CCDC127: variants seen among roughly 807,000 people sequenced by gnomAD.
CCDC127 encodes the protein coiled-coil domain containing 127, also known as coiled-coil domain-containing protein 127.
In CCDC127, 2 loss-of-function variants were observed where a neutral mutation model predicts 4.1. That is an observed-to-expected ratio of 0.49 (90% CI 0.20 to 1.53). The LOEUF (loss-of-function observed/expected upper bound fraction) is 1.53. Among genes scored for constraint, CCDC127 ranks in the 40% most tolerant of loss-of-function variants. The probability of loss-of-function intolerance (pLI) is 0.23; values close to 1 mark genes in which losing one functional copy is unlikely to be tolerated. For synonymous variants in CCDC127, 98 were observed against 120.4 expected (o/e 0.81, Z 1.22); for missense variants, 271 against 322.9 (o/e 0.84, Z 1.23).
At chr5:210,841 A>T (rs1341039642) in intron 2 of CCDC127, among the ~76,000 whole-genome samples, 7 of 68,522 alleles carry the variant, frequency 1.0e-4, no homozygotes, top group South Asian at 6.7e-4. Context: ...GTGTGAGCAC[A>T]CTGATGCTCG....
At position 197,853 on chromosome 5, in the gene CCDC127, G is replaced by C. The variant is rs1333147421; in HGVS notation, c.*7444C>G. 1 of 55,540 alleles carries C rather than the reference G, an allele frequency of 1.8e-5. No individual in the cohort carries two copies. The highest frequency in any genetic ancestry group is 4.2e-5 in the Non-Finnish European group (1 of 23,962). The allele number at this position is 55,540 out of a possible 1,614,324, so 3.4% of individuals were successfully genotyped here. ...GGTCCCTGTGTCACCCCCTCCCCGA[G>C]TGTGTCCCCACCCCAGGGGCCCCCA... On this transcript the variant is annotated 3_prime_UTR_variant, in exon 3 of 3. Transcript: ENST00000296824.
intron 1 of CCDC127, among the ~76,000 whole-genome samples, chr5:217,770 AG>A (rs1215954040): frequency 2.0e-5 from 3 of 152,238 alleles, no homozygotes; most frequent in African/African-American, 7.2e-5. Flanking sequence ...GGCTAACGTT[AG>A]TAAGAATTTA....
At chr5:214,605 G>A (rs1734342971) in intron 2 of CCDC127, 1 of 152,192 alleles carries the variant, frequency 6.6e-6, no homozygotes, top group Admixed American at 6.5e-5. Flanking sequence ...GGTGTGAAGA[G>A]AGAGAAGCCC....
rs1423263663 is a variant in CCDC127 at position 204,509 on chromosome 5, A to G, written c.*788T>C. The stretch of plus-strand genomic sequence containing the variant: ...TTGTAAAGAGTGAAGAATTACACAA[A>G]AAGTGGCATTATTACTCATAAATGG... On this transcript the variant is annotated 3_prime_UTR_variant, in exon 3 of 3. Transcript: ENST00000296824. 2 of 147,516 alleles carry G rather than the reference A, an allele frequency of 1.4e-5. No individual in the cohort carries two copies. Among genetic ancestry groups the G allele is most frequent in the African/African-American group, 2.7e-5 (1 of 36,802 alleles). 9.1% of individuals were successfully genotyped at this position (147,516 alleles called of 1,614,324 possible).
chr5:205,188 C>T lies in CCDC127; in HGVS notation c.*109G>A, dbSNP rs918429311. On this transcript the variant is annotated 3_prime_UTR_variant, in exon 3 of 3. Transcript: ENST00000296824. ...AGTGGAGGTCGCTGCTGAAGGGTGACGGTGTGGCCATGACACGGGCAGCAC... is the reference window on the plus strand; with the variant it reads ...AGTGGAGGTCGCTGCTGAAGGGTGATGGTGTGGCCATGACACGGGCAGCAC... 3.8e-5 allele frequency: 38 copies of T among 1,003,746 alleles called. No homozygotes were observed. Among genetic ancestry groups the T allele is most frequent in the Non-Finnish European group, 4.7e-5 (32 of 677,068 alleles). 62.2% of individuals were successfully genotyped at this position (1,003,746 alleles called of 1,614,324 possible). A position where few individuals can be genotyped will look rare whatever the true frequency, so the allele number is the denominator to read the frequency against.
At chr5:214,895 AG>A (rs1475733542) in intron 2 of CCDC127, 1 of 151,896 alleles carries the variant, frequency 6.6e-6, no homozygotes, top group Non-Finnish European at 1.5e-5. Context: ...GGACGTGGTG[AG>A]GGGCGCCTGT....
At chr5:207,619 G>A (rs995711707) in intron 2 of CCDC127, among the ~76,000 whole-genome samples, 3 of 152,206 alleles carry the variant, frequency 2.0e-5, no homozygotes, top group Non-Finnish European at 2.9e-5. Flanking sequence ...TGTGCCTGGG[G>A]ACGGGGCTTA....
At position 205,312 on chromosome 5, in the gene CCDC127, G is replaced by T. The variant is rs1734147504; in HGVS notation, c.768C>A (p.Ala256=). 6.2e-7 allele frequency: 1 copy of T among 1,605,766 alleles called. No homozygotes were observed. Among genetic ancestry groups the T allele is most frequent in the African/African-American group, 1.3e-5 (1 of 74,682 alleles). The part of the protein sequence containing the change: ...ELKKFKRVEE[A]ILEK The stretch of plus-strand genomic sequence containing the variant: ...CACTCTTGTCTTACTTTTCTAGTAT[G>T]GCTTCCTCTACTCTCTTAAACTTCT... Residue 256 remains alanine (A), a synonymous_variant, in exon 3 of 3, where the codon GCC becomes GCA. Transcript: ENST00000296824.
intron 2 of CCDC127, among the ~76,000 whole-genome samples, chr5:210,156 C>A (rs1734252683): frequency 6.6e-6 from 1 of 152,206 alleles, no homozygotes; most frequent in Admixed American, 6.5e-5. Flanking sequence ...ACAAAATTAA[C>A]TCAAATGGGT....
Position 197,699 on chromosome 5 carries a change from G to A in CCDC127, c.*7598C>T, listed in dbSNP as rs1733992738. On this transcript the variant is annotated 3_prime_UTR_variant, in exon 3 of 3. Coordinates refer to ENST00000296824, the MANE Select transcript of CCDC127 (RefSeq NM_145265.3). The stretch of plus-strand genomic sequence containing the variant: ...CATCTCAGCAAAGCAATTATTTAAA[G>A]TACAGGTCTTTTTCAAAACGGAGTC... 6.4e-6 allele frequency: 1 copy of A among 156,136 alleles called. No individual in the cohort carries two copies. Among genetic ancestry groups the A allele is most frequent in the South Asian group, 2.0e-4 (1 of 5,100 alleles). 9.7% of individuals were successfully genotyped at this position (156,136 alleles called of 1,614,324 possible).
Position 203,374 on chromosome 5 carries a change from G to A in CCDC127, c.*1923C>T, listed in dbSNP as rs1734107828. 6.6e-6 allele frequency: 1 copy of A among 152,260 alleles called. No individual in the cohort carries two copies. The allele number at this position is 152,260 out of a possible 1,614,324, so 9.4% of individuals were successfully genotyped here. A position where few individuals can be genotyped will look rare whatever the true frequency, so the allele number is the denominator to read the frequency against. On this transcript the variant is annotated 3_prime_UTR_variant, in exon 3 of 3. Coordinates refer to ENST00000296824, the MANE Select transcript of CCDC127 (RefSeq NM_145265.3). Reference sequence around the variant, plus strand: ...CATCACACCACTGCACTCCTGCCTGGGTGAAGCATCTGAGCACCCTTAGCA... The same window carrying A: ...CATCACACCACTGCACTCCTGCCTGAGTGAAGCATCTGAGCACCCTTAGCA...
At position 200,594 on chromosome 5, in the gene CCDC127, C is replaced by T. The variant is rs1734056898; in HGVS notation, c.*4703G>A. 1 of 152,304 alleles carries T rather than the reference C, an allele frequency of 6.6e-6. No homozygotes were observed. Among genetic ancestry groups the T allele is most frequent in the African/African-American group, 2.4e-5 (1 of 41,456 alleles). The allele number at this position is 152,304 out of a possible 1,614,324, so 9.4% of individuals were successfully genotyped here. The stretch of plus-strand genomic sequence containing the variant: ...ATTTGTCTTTCTGGTTCTTCTCTGA[C>T]ATCTAACCTGTGTTCTCCATTCTTG... On this transcript the variant is annotated 3_prime_UTR_variant, in exon 3 of 3. Transcript: ENST00000296824.
chr5:207,504 TCTAGAAGGCTGAAGGCTGAG>T (rs1360193179), intron 2 of CCDC127, among the ~76,000 whole-genome samples: 4 of 151,944 alleles, frequency 2.6e-5, no homozygotes, highest in Non-Finnish European at 5.9e-5. Flanking sequence ...ATGAACAAAG[TCTAGAAGGCTGAAGGCTGAG>T]CAGAAGCTGC....
In CCDC127 at chr5:205,692, C is replaced by G; in HGVS notation, c.388G>C (p.Glu130Gln). 1 of 1,614,008 alleles carries G rather than the reference C, an allele frequency of 6.2e-7. No individual in the cohort carries two copies. The highest frequency in any genetic ancestry group is 8.5e-7 in the Non-Finnish European group (1 of 1,179,976). The change falls in exon 3 of 3, where the codon GAA (glutamate) becomes CAA (glutamine). Residue 130 changes from glutamate to glutamine, a missense_variant. Physicochemically the swap from Glu to Gln is conservative, Grantham distance 29. Coordinates refer to ENST00000296824, the MANE Select transcript of CCDC127 (RefSeq NM_145265.3). ...LEQERAQVMQEKRQVQPLRSA... is the reference protein window; with the variant it reads ...LEQERAQVMQQKRQVQPLRSA... The stretch of plus-strand genomic sequence containing the variant: ...CTCAAAGGCTGCACCTGTCTTTTTT[C>G]TTGCATCACCTGGGCCCGTTCCTGT...
In CCDC127 at chr5:205,137, T is replaced by A. The variant is rs1734142811; in HGVS notation, c.*160A>T. ...AGACCCTCTGTCTCTGAGGCTTCGG[T>A]GCACTTCTGCTCAGACGGTGGCGGG... On this transcript the variant is annotated 3_prime_UTR_variant, in exon 3 of 3. Transcript: ENST00000296824. The A allele has an allele frequency of 3.2e-6, 2 of 633,392 alleles. No individual in the cohort carries two copies. The highest frequency in any genetic ancestry group is 5.4e-6 in the Non-Finnish European group (2 of 371,736). 39.2% of individuals were successfully genotyped at this position (633,392 alleles called of 1,614,324 possible).
In CCDC127 at chr5:205,374, G is replaced by A. The variant is rs377270909; in HGVS notation, c.706C>T (p.Leu236Phe). The change falls in exon 3 of 3, where the codon CTC becomes TTC. Residue 236 changes from leucine (L) to phenylalanine (F), a missense_variant. By Grantham distance (22) the Leu-to-Phe change is conservative. Coordinates refer to ENST00000296824, the MANE Select transcript of CCDC127 (RefSeq NM_145265.3). ...NKRQNGRLMWLYLKYWELVVE... is the reference protein window; with the variant it reads ...NKRQNGRLMWFYLKYWELVVE... ...ACGAGTTCCCAGTATTTGAGATAGAGCCACATGAGTCTGCCATTCTGGCGT... is the reference window on the plus strand; with the variant it reads ...ACGAGTTCCCAGTATTTGAGATAGAACCACATGAGTCTGCCATTCTGGCGT... 1 of 1,614,084 alleles carries A rather than the reference G, an allele frequency of 6.2e-7. No individual in the cohort carries two copies. Among genetic ancestry groups the A allele is most frequent in the Non-Finnish European group, 8.5e-7 (1 of 1,180,046 alleles).
Position 201,261 on chromosome 5 carries a change from T to C in CCDC127, c.*4036A>G, listed in dbSNP as rs1167218918. 5 of 152,282 alleles carry C rather than the reference T, an allele frequency of 3.3e-5. No homozygotes were observed. The highest frequency in any genetic ancestry group is 1.3e-4 in the Admixed American group (2 of 15,288). 9.4% of individuals were successfully genotyped at this position (152,282 alleles called of 1,614,324 possible). A position where few individuals can be genotyped will look rare whatever the true frequency, so the allele number is the denominator to read the frequency against. On this transcript the variant is annotated 3_prime_UTR_variant, in exon 3 of 3. Coordinates refer to ENST00000296824, the MANE Select transcript of CCDC127 (RefSeq NM_145265.3). ...AATGTCACAGGTGTAGTCTTCAGAC[T>C]TGCTTTTATGTAGCAAACCTAATAT...
chr5:205,160 G>A lies in CCDC127; in HGVS notation c.*137C>T, dbSNP rs571214215. 44 of 733,540 alleles carry A rather than the reference G, an allele frequency of 6.0e-5. No individual in the cohort carries two copies. Among genetic ancestry groups the A allele is most frequent in the African/African-American group, 8.8e-5 (5 of 56,942 alleles). 45.4% of individuals were successfully genotyped at this position (733,540 alleles called of 1,614,324 possible). On this transcript the variant is annotated 3_prime_UTR_variant, in exon 3 of 3. Coordinates refer to ENST00000296824, the MANE Select transcript of CCDC127 (RefSeq NM_145265.3). ...GGTGCACTTCTGCTCAGACGGTGGC[G>A]GGAGTGGAGGTCGCTGCTGAAGGGT... is the stretch of plus-strand genomic sequence containing the variant.
At chr5:218,049 A>G (rs1579368688) in intron 1 of CCDC127, 44 bp downstream of exon 1, 2 of 1,095,438 alleles carry the variant, frequency 1.8e-6, no homozygotes, top group East Asian at 8.8e-5. Flanking sequence ...GGGGCTTTAA[A>G]AATGTTGGTG....
Sources: allele counts gnomAD v4.1 joint callset (sites outside exome capture counted in the v4.1 genomes callset), GRCh38; gene constraint gnomAD v4.1.1; transcripts MANE v1.5; gene names NCBI Gene and HGNC (gene_info 2026-07-23, HGNC 2026-07-21).